The following VPS13B variants were observed in gnomAD, a reference collection of about 807,000 sequenced individuals.
VPS13B encodes the protein vacuolar protein sorting 13 homolog B, also known as intermembrane lipid transfer protein VPS13B.
Under a neutral mutation model 426.4 loss-of-function variants are expected in VPS13B, and 285 were observed. The observed-to-expected ratio is 0.67, with a 90% CI of 0.61 to 0.74. VPS13B has a LOEUF of 0.74. VPS13B is among the 30% of genes least tolerant of loss of function. The pLI is 0.00. For missense variants in VPS13B, 4,537 were observed against 4,782.6 expected (o/e 0.95, Z 1.51); for synonymous variants, 1,676 against 1,676.4 (o/e 1.00, Z 0.01).
chr8:99,816,783 C>T (rs1363474501), intron 44 of VPS13B, among the ~76,000 whole-genome samples: 1 of 151,388 alleles, frequency 6.6e-6, no homozygotes, highest in African/African-American at 2.4e-5. Flanking sequence ...CCAGCCTGGG[C>T]GAAAGAGCAA....
At chr8:99,103,195 G>A in intron 5 of VPS13B, 75 bp downstream of exon 5, 2 of 1,535,284 alleles carry the variant, frequency 1.3e-6, no homozygotes, top group Admixed American at 1.7e-5. Context: ...CCTTCTTTGG[G>A]CCAACTGAGT....
At chr8:99,375,677 A>AT (rs1314151841) in intron 19 of VPS13B, among the ~76,000 whole-genome samples, 3 of 151,934 alleles carry the variant, frequency 2.0e-5, no homozygotes, top group African/African-American at 4.8e-5. Flanking sequence ...TCTTTCATTT[A>AT]TTTTTCTTGT....
At chr8:99,430,704 C>A (rs1368511425) in intron 21 of VPS13B, among the ~76,000 whole-genome samples, 4 of 139,766 alleles carry the variant, frequency 2.9e-5, no homozygotes, top group Admixed American at 7.0e-5. Context: ...CAAAATCCAC[C>A]CCCCCCCCAA....
At chr8:99,645,354 C>T (rs1483948604) in intron 34 of VPS13B, among the ~76,000 whole-genome samples, 1 of 152,112 alleles carries the variant, frequency 6.6e-6, no homozygotes, top group Non-Finnish European at 1.5e-5. Context: ...CAGGCCTAGG[C>T]CCTCAAAAAT....
chr8:99,660,742 A>T (rs949218470), intron 34 of VPS13B, among the ~76,000 whole-genome samples: 4 of 152,034 alleles, frequency 2.6e-5, no homozygotes, highest in Admixed American at 6.5e-5. Context: ...AACAGAAAAA[A>T]AGTCTAAACA....
At chr8:99,342,325 A>G (rs985113838) in intron 19 of VPS13B, among the ~76,000 whole-genome samples, 1 of 152,232 alleles carries the variant, frequency 6.6e-6, no homozygotes, top group Non-Finnish European at 1.5e-5. Context: ...ACTTTATTGT[A>G]CAATAGATCT....
Position 99,861,485 on chromosome 8 carries a change from A to G in VPS13B, c.11045-291A>G, listed in dbSNP as rs2130940328. Among the ~76,000 whole-genome samples, 2 of 152,296 alleles carry G rather than the reference A, an allele frequency of 1.3e-5. 1 individual carries two copies. The highest frequency in any genetic ancestry group is 4.1e-4 in the South Asian group (2 of 4,832). On this transcript the variant is annotated intron_variant, in intron 57 of 61. Coordinates refer to ENST00000357162, the MANE Select transcript of VPS13B (RefSeq NM_152564.5). The stretch of plus-strand genomic sequence containing the variant: ...CCCAGCTAATTTTTTAACTTTTCAT[A>G]GAGACAGGGTTTTGCCATGTTGCCC...
intron 5 of VPS13B, among the ~76,000 whole-genome samples, chr8:99,107,092 A>C (rs1254198450): frequency 1.3e-5 from 2 of 152,318 alleles, no homozygotes; most frequent in Admixed American, 6.5e-5. Flanking sequence ...AGCTTCAGAG[A>C]TACTGACAAA....
At chr8:99,289,066 A>AATGAATGAAAGAAG (rs1350775653) in intron 19 of VPS13B, among the ~76,000 whole-genome samples, 2 of 45,586 alleles carry the variant, frequency 4.4e-5, no homozygotes, top group Non-Finnish European at 1.1e-4. Context: ...AATGAATGAA[A>AATGAATGAAAGAAG]GAAGGAAGGA....
At chr8:99,256,842 T>G (rs1212358010) in intron 17 of VPS13B, among the ~76,000 whole-genome samples, 1 of 152,138 alleles carries the variant, frequency 6.6e-6, no homozygotes, top group Non-Finnish European at 1.5e-5. Flanking sequence ...TTCCCTCCAT[T>G]TTCATAGCAC....
At chr8:99,298,017 G>A (rs1448713800) in intron 19 of VPS13B, among the ~76,000 whole-genome samples, 5 of 152,136 alleles carry the variant, frequency 3.3e-5, no homozygotes, top group Non-Finnish European at 7.3e-5. Flanking sequence ...TTTTGAGCTT[G>A]CCTGACAGTA....
intron 19 of VPS13B, among the ~76,000 whole-genome samples, chr8:99,339,181 T>G (rs1045513568): frequency 5.3e-5 from 8 of 152,200 alleles, no homozygotes; most frequent in African/African-American, 1.9e-4. Flanking sequence ...TTTTGAACAT[T>G]TATTTAATAT....
chr8:99,289,972 C>G (rs1421165771), intron 19 of VPS13B, among the ~76,000 whole-genome samples: 1 of 151,986 alleles, frequency 6.6e-6, no homozygotes, highest in Non-Finnish European at 1.5e-5. Context: ...AGTTAAGCAT[C>G]TAGTGAGTGG....
chr8:99,330,998 A>G (rs546442375), intron 19 of VPS13B, among the ~76,000 whole-genome samples: 24 of 151,846 alleles, frequency 1.6e-4, no homozygotes, highest in Non-Finnish European at 2.9e-4. Context: ...TTTCAGCTTC[A>G]TTCTCATATA....
chr8:99,184,822 C>T (rs1773643532), intron 16 of VPS13B, among the ~76,000 whole-genome samples: 1 of 152,098 alleles, frequency 6.6e-6, no homozygotes, highest in Non-Finnish European at 1.5e-5. Context: ...GAAACCCCGT[C>T]TCTACCAAAA....
chr8:99,368,687 A>C (rs1228916409), intron 19 of VPS13B, among the ~76,000 whole-genome samples: 1 of 152,176 alleles, frequency 6.6e-6, no homozygotes, highest in East Asian at 1.9e-4. Context: ...GTGGTGCTAA[A>C]TAGTGTTTAC....
chr8:99,739,808 A>G (rs1412516395), intron 39 of VPS13B, among the ~76,000 whole-genome samples: 1 of 152,230 alleles, frequency 6.6e-6, no homozygotes, highest in African/African-American at 2.4e-5. Flanking sequence ...CATCCACACC[A>G]AAACCCCATC....
At chr8:99,697,019 C>T (rs1832041445) in intron 35 of VPS13B, 2 of 580,656 alleles carry the variant, frequency 3.4e-6, no homozygotes, top group Non-Finnish European at 3.2e-6. Flanking sequence ...CCCTCCGCCT[C>T]AGCTGAAGCA....
At chr8:99,592,945 C>G (rs977757698) in intron 33 of VPS13B, among the ~76,000 whole-genome samples, 1 of 151,986 alleles carries the variant, frequency 6.6e-6, no homozygotes, top group East Asian at 1.9e-4. Context: ...ATGTAAAACC[C>G]CAAACTGTAA....
Sources: allele counts gnomAD v4.1 joint callset (sites outside exome capture counted in the v4.1 genomes callset), GRCh38; gene constraint gnomAD v4.1.1; transcripts MANE v1.5; gene names NCBI Gene and HGNC (gene_info 2026-07-23, HGNC 2026-07-21).